CNTNAP5: variants seen among roughly 807,000 people sequenced by gnomAD.
CNTNAP5 encodes the protein contactin-associated protein-like 5.
Under a neutral mutation model 150.2 loss-of-function variants are expected in CNTNAP5, and 72 were observed. The observed-to-expected ratio is 0.48, with a 90% CI of 0.40 to 0.58. CNTNAP5 has a LOEUF of 0.58. Among genes scored for constraint, CNTNAP5 ranks in the 20% least tolerant of loss-of-function variants. The probability of loss-of-function intolerance (pLI) is 0.00; values close to 1 mark genes in which losing one functional copy is unlikely to be tolerated. For missense variants in CNTNAP5, 1,636 were observed against 1,626.2 expected, an observed-to-expected ratio of 1.01 and a Z score of -0.10; for synonymous variants, 672 against 619.8, an observed-to-expected ratio of 1.08 and a Z score of -1.25.
chr2:124,724,836 C>A (rs1680122607), intron 13 of CNTNAP5, among the ~76,000 whole-genome samples: 1 of 151,706 alleles, frequency 6.6e-6, no homozygotes, highest in Non-Finnish European at 1.5e-5. Context: ...TTACATTAAG[C>A]CAGCAATTCG....
chr2:124,260,711 T>C (rs753784683), intron 3 of CNTNAP5, among the ~76,000 whole-genome samples: 1 of 152,112 alleles, frequency 6.6e-6, no homozygotes, highest in Non-Finnish European at 1.5e-5. Flanking sequence ...ATAAAACAAA[T>C]GGTTTTGGAT....
At chr2:124,344,912 T>C (rs1208003944) in intron 3 of CNTNAP5, among the ~76,000 whole-genome samples, 2 of 152,194 alleles carry the variant, frequency 1.3e-5, no homozygotes. Context: ...AATCCATGGC[T>C]TCTCTGGATG....
chr2:124,257,375 C>T (rs994762089), intron 3 of CNTNAP5, among the ~76,000 whole-genome samples: 1 of 152,198 alleles, frequency 6.6e-6, no homozygotes, highest in Admixed American at 6.6e-5. Flanking sequence ...ATTTGTATTC[C>T]TCCAGGGCAC....
At chr2:124,439,345 GTC>G (rs1237171968) in intron 5 of CNTNAP5, among the ~76,000 whole-genome samples, 1 of 152,280 alleles carries the variant, frequency 6.6e-6, no homozygotes, top group African/African-American at 2.4e-5. Flanking sequence ...GGATTTATCA[GTC>G]TCTATTTTCA....
intron 14 of CNTNAP5, among the ~76,000 whole-genome samples, chr2:124,755,218 C>T (rs1029598577): frequency 4.6e-5 from 7 of 151,368 alleles, no homozygotes; most frequent in Admixed American, 4.6e-4. Context: ...TTGTGGAAAA[C>T]AAAACATACC....
intron 3 of CNTNAP5, among the ~76,000 whole-genome samples, chr2:124,383,985 A>G (rs1383578498): frequency 6.6e-6 from 1 of 152,164 alleles, no homozygotes; most frequent in East Asian, 1.9e-4. Flanking sequence ...CATTTCATTC[A>G]TCTTTAAATG....
At chr2:124,487,572 AAGATCC>A (rs1693915309) in intron 7 of CNTNAP5, among the ~76,000 whole-genome samples, 5 of 151,980 alleles carry the variant, frequency 3.3e-5, no homozygotes, top group African/African-American at 9.7e-5. Flanking sequence ...AGGTAAATGG[AAGATCC>A]AGCAGCCCCA....
chr2:124,027,970 AC>A (rs1300085165), intron 1 of CNTNAP5, among the ~76,000 whole-genome samples: 2 of 152,006 alleles, frequency 1.3e-5, no homozygotes, highest in Admixed American at 1.3e-4. Flanking sequence ...TACTGACCAC[AC>A]TCTTTATTCA....
At chr2:124,146,162 T>C (rs562302223) in intron 1 of CNTNAP5, among the ~76,000 whole-genome samples, 33 of 152,272 alleles carry the variant, frequency 2.2e-4, no homozygotes, top group South Asian at 6.2e-4. Flanking sequence ...CTGGCGGCAG[T>C]CGTCCTGACA....
intron 14 of CNTNAP5, among the ~76,000 whole-genome samples, chr2:124,747,739 C>G (rs934571068): frequency 1.3e-4 from 19 of 147,690 alleles, no homozygotes; most frequent in African/African-American, 4.8e-4. Flanking sequence ...CCTGCCTCAG[C>G]CTCCTGAGTA....
intron 11 of CNTNAP5, among the ~76,000 whole-genome samples, chr2:124,578,695 C>G (rs1573471829): frequency 6.6e-6 from 1 of 152,052 alleles, no homozygotes; most frequent in East Asian, 1.9e-4. Context: ...ATCATTTGAG[C>G]CCAGGATGTT....
intron 3 of CNTNAP5, among the ~76,000 whole-genome samples, chr2:124,363,930 C>A (rs962733604): frequency 1.3e-5 from 2 of 152,202 alleles, no homozygotes; most frequent in African/African-American, 4.8e-5. Flanking sequence ...CTGCTCCAAG[C>A]CAGTGTTGCC....
At chr2:124,660,943 CAAA>C (rs34511096) in intron 13 of CNTNAP5, among the ~76,000 whole-genome samples, 27,077 of 104,082 alleles carry the variant, frequency 0.26, 2,595 homozygotes, top group African/African-American at 0.37. Flanking sequence ...GACTGGGTCT[CAAA>C]AAAAAAAAAA....
intron 1 of CNTNAP5, among the ~76,000 whole-genome samples, chr2:124,059,490 C>T (rs1681945072): frequency 6.6e-6 from 1 of 152,200 alleles, no homozygotes; most frequent in South Asian, 2.1e-4. Flanking sequence ...CTGTAATCTA[C>T]TACCTGTGTG....
chr2:124,226,711 A>G (rs1221917121), intron 2 of CNTNAP5, among the ~76,000 whole-genome samples: 2 of 152,148 alleles, frequency 1.3e-5, no homozygotes, highest in Non-Finnish European at 2.9e-5. Flanking sequence ...TAATTTACAA[A>G]GAAAAGAAAT....
At chr2:124,044,593 C>T (rs1243044056) in intron 1 of CNTNAP5, among the ~76,000 whole-genome samples, 1 of 152,118 alleles carries the variant, frequency 6.6e-6, no homozygotes, top group Non-Finnish European at 1.5e-5. Flanking sequence ...CTGTGGACTA[C>T]AGAGAGTCCC....
intron 22 of CNTNAP5, among the ~76,000 whole-genome samples, chr2:124,909,084 G>GGT (rs1678601287): frequency 6.6e-6 from 1 of 152,114 alleles, no homozygotes. Context: ...TAAGAGTAAA[G>GGT]TGTTTATAAA....
At chr2:124,910,647 T>C (rs780366886) in intron 22 of CNTNAP5, among the ~76,000 whole-genome samples, 1 of 152,018 alleles carries the variant, frequency 6.6e-6, no homozygotes, top group Non-Finnish European at 1.5e-5. Flanking sequence ...GAATGATCTG[T>C]AGGACTTGGA....
intron 2 of CNTNAP5, among the ~76,000 whole-genome samples, chr2:124,229,094 T>C (rs903859481): frequency 1.8e-4 from 28 of 152,272 alleles, no homozygotes; most frequent in African/African-American, 6.7e-4. Flanking sequence ...GACTCATGTC[T>C]GCCCTATACC....
Sources: allele counts gnomAD v4.1 joint callset (sites outside exome capture counted in the v4.1 genomes callset), GRCh38; gene constraint gnomAD v4.1.1; transcripts MANE v1.5; gene names NCBI Gene and HGNC (gene_info 2026-07-23, HGNC 2026-07-21).